SNX5: variants seen among roughly 807,000 people sequenced by gnomAD.
SNX5 encodes the protein sorting nexin-5.
In SNX5, 31 loss-of-function variants were observed where a neutral mutation model predicts 53.9. The observed-to-expected ratio is 0.58, with a 90% confidence interval of 0.43 to 0.78. The LOEUF is 0.78. SNX5 is among the 30% of genes least tolerant of loss of function. The pLI is 0.00. For missense variants in SNX5, 471 were observed against 478.8 expected (o/e 0.98, Z 0.15); for synonymous variants, 168 against 171.1 (o/e 0.98, Z 0.14).
At chr20:17,949,460 C>T (rs1214079862) in intron 8 of SNX5, among the ~76,000 whole-genome samples, 1 of 152,144 alleles carries the variant, frequency 6.6e-6, no homozygotes, top group African/African-American at 2.4e-5. Flanking sequence ...CATGGTTCTG[C>T]CATTAGCCTT....
intron 10 of SNX5, 109 bp from the exon 11 acceptor site, chr20:17,947,754 C>T (rs2039507289): frequency 1.2e-6 from 1 of 835,880 alleles, no homozygotes; most frequent in Admixed American, 3.4e-5. Context: ...TCTACCTCTA[C>T]ACCTTCCCTC....
At chr20:17,943,947 T>C (rs2145020) in intron 11 of SNX5, 40,030 of 152,240 alleles carry the variant, frequency 0.26, 5,752 homozygotes, top group East Asian at 0.44. Context: ...ACAAAATCAA[T>C]TGAGAATTAT....
At chr20:17,949,241 C>T in intron 8 of SNX5, 138 bp from the exon 9 acceptor site, 1 of 682,678 alleles carries the variant, frequency 1.5e-6, no homozygotes, top group South Asian at 1.9e-5. Flanking sequence ...AAGTAGTGCT[C>T]TCACTTCAAC....
chr20:17,952,832 C>G lies in SNX5; in HGVS notation c.390-122G>C. The G allele has an allele frequency of 7.1e-6, 8 of 1,122,558 alleles. No individual in the cohort carries two copies. The South Asian group carries it at 1.5e-4, about 21-fold the overall frequency. The allele number at this position is 1,122,558 out of a possible 1,614,324, so 69.5% of individuals were successfully genotyped here. ...CATAAAACACTGCAACTGGACCAAA[C>G]AGTATTTCAGTATAAACTGGTGTCT... On this transcript the variant is annotated intron_variant, in intron 4 of 12. Transcript: ENST00000377759.
In SNX5 at chr20:17,950,290, CT is replaced by C. The variant is rs774286425; in HGVS notation, c.715del (p.Asn239MetfsTer18). 6.2e-7 allele frequency: 1 copy of C among 1,611,928 alleles called. No homozygotes were observed. The highest frequency in any genetic ancestry group is 8.5e-7 in the Non-Finnish European group (1 of 1,178,052). On this transcript the variant is annotated frameshift_variant and splice_region_variant, in exon 7 of 13. Transcript: ENST00000377759. LOFTEE classifies it high-confidence loss of function. ...TCTGACTAGCGGTAAATGATATTTACTTTTATGAGATCTGGTCATTTTGTCA... is the reference window on the plus strand; with the variant it reads ...TCTGACTAGCGGTAAATGATATTTACTTTATGAGATCTGGTCATTTTGTCA... Reference protein sequence around the residue: ...KADKMTRSHKNVADDYIHTAA... With the variant: ...KADKMTRSHKXVADDYIHTAA...
intron 3 of SNX5, among the ~76,000 whole-genome samples, chr20:17,955,157 T>C (rs2035331207): frequency 2.6e-5 from 4 of 152,192 alleles, no homozygotes; most frequent in Admixed American, 2.6e-4. Context: ...CCCTTTACAA[T>C]GTAAATAATG....
At chr20:17,947,367 G>GTT in intron 11 of SNX5, 119 bp downstream of exon 11, 1 of 1,043,100 alleles carries the variant, frequency 9.6e-7, no homozygotes, top group Non-Finnish European at 1.4e-6. Flanking sequence ...AAGGCAGAGG[G>GTT]GTGAAGTGCT....
chr20:17,951,882 A>G (rs2039574184), intron 5 of SNX5, among the ~76,000 whole-genome samples: 1 of 152,236 alleles, frequency 6.6e-6, no homozygotes, highest in Admixed American at 6.5e-5. Flanking sequence ...TTCTATCCAT[A>G]TTAAGTAGCA....
intron 2 of SNX5, among the ~76,000 whole-genome samples, chr20:17,956,354 A>G (rs1307175203): frequency 6.6e-6 from 1 of 152,222 alleles, no homozygotes; most frequent in Non-Finnish European, 1.5e-5. Context: ...ACCACATGGG[A>G]AAGGTCTTTC....
At chr20:17,966,071 T>C (rs562848463) in intron 1 of SNX5, among the ~76,000 whole-genome samples, 66 of 152,154 alleles carry the variant, frequency 4.3e-4, no homozygotes, top group Non-Finnish European at 6.9e-4. Context: ...AGAGGACAGA[T>C]ATCATTCACC....
Position 17,947,467 on chromosome 20 carries a change from G to A in SNX5, c.1078+19C>T. 5.0e-6 allele frequency: 8 copies of A among 1,606,604 alleles called. No individual in the cohort carries two copies. Among genetic ancestry groups the A allele is most frequent in the Non-Finnish European group, 5.9e-6 (7 of 1,177,158 alleles). On this transcript the variant is annotated intron_variant, in intron 11 of 12. Coordinates refer to ENST00000377759, the MANE Select transcript of SNX5 (RefSeq NM_014426.4). ...TTATTTTCAAATTACAGTACAGAAA[G>A]AAGAATGTCCTGCTCAACCTTCTTT...
chr20:17,968,555 G>C lies in SNX5; in HGVS notation c.-130C>G, dbSNP rs1600368358. The C allele has an allele frequency of 7.5e-6, 6 of 802,098 alleles. No individual in the cohort carries two copies. The East Asian group carries it at 1.7e-4, about 23-fold the overall frequency. The allele number at this position is 802,098 out of a possible 1,614,324, so 49.7% of individuals were successfully genotyped here. A position where few individuals can be genotyped will look rare whatever the true frequency, so the allele number is the denominator to read the frequency against. On this transcript the variant is annotated 5_prime_UTR_variant, in exon 1 of 13. Coordinates refer to ENST00000377759, the MANE Select transcript of SNX5 (RefSeq NM_014426.4). ...GCCTCCGCCGGCCTCCCTGCCCGAC[G>C]GCGGCAGGAGGCCTCCGGACTCCGC...
At chr20:17,956,858 ATC>A (rs2035369840) in intron 2 of SNX5, 73 bp downstream of exon 2, 1 of 805,454 alleles carries the variant, frequency 1.2e-6, no homozygotes, top group Admixed American at 1.7e-5. Flanking sequence ...AGCTCAGGGA[ATC>A]TCTTCTCACA....
In SNX5 at chr20:17,951,945, C is replaced by T. The variant is rs189481095; in HGVS notation, c.514-350G>A. 5.4e-4 allele frequency among the ~76,000 whole-genome samples: 82 copies of T among 152,294 alleles called. No homozygotes were observed. In the East Asian group the frequency reaches 0.014, roughly 25 times the overall value. On this transcript the variant is annotated intron_variant, in intron 5 of 12. Transcript: ENST00000377759. ...TAGCATAAAAGTCATAATTCGCGGCCGGGCGCAGTGGCTCACGCCTGTAAT... is the reference window on the plus strand; with the variant it reads ...TAGCATAAAAGTCATAATTCGCGGCTGGGCGCAGTGGCTCACGCCTGTAAT...
intron 1 of SNX5, chr20:17,961,379 G>T: frequency 1.0e-6 from 1 of 985,376 alleles, no homozygotes; most frequent in Non-Finnish European, 1.2e-6. Context: ...CAGGAGAACA[G>T]AAAAAATACA....
At position 17,943,168 on chromosome 20, in the gene SNX5, A is replaced by T; in HGVS notation, c.1106T>A (p.Val369Glu). The change falls in exon 12 of 13, where the codon GTG becomes GAG. Residue 369 changes from valine (V) to glutamate (E), a missense_variant. By Grantham distance (121) the Val-to-Glu change is moderately radical. Transcript: ENST00000377759. ...EELINFKRKR[V>E]AAFRKNLIEM... is the part of the protein sequence containing the mutation. ...AATTAGATTCTTTCTAAATGCTGCC[A>T]CTCTCTTCCGTTTGAAATTTATCAG... The T allele has an allele frequency of 1.9e-6, 3 of 1,609,984 alleles. No homozygotes were observed. Among genetic ancestry groups the T allele is most frequent in the Non-Finnish European group, 2.6e-6 (3 of 1,176,342 alleles).
chr20:17,956,680 AAAAAAAAAAAAAAAAAAAAAAAAAC>A (rs2035362688), intron 2 of SNX5, among the ~76,000 whole-genome samples: 1 of 37,036 alleles, frequency 2.7e-5, no homozygotes, highest in Admixed American at 2.4e-4. Context: ...CTCCAAAAAA[AAAAAAAAAAAAAAAAAAAAAAAAAC>A]AAAAAAACAA....
At chr20:17,948,471 C>T (rs77336129) in intron 10 of SNX5, among the ~76,000 whole-genome samples, 14,599 of 152,274 alleles carry the variant, frequency 0.096, 748 homozygotes, top group Non-Finnish European at 0.12. Flanking sequence ...TAATACATTT[C>T]ACATAAAATT....
intron 1 of SNX5, chr20:17,968,043 G>C (rs2035585973): frequency 5.0e-6 from 2 of 398,528 alleles, no homozygotes; most frequent in Non-Finnish European, 8.8e-6. Context: ...TTCACCTACT[G>C]GTCACCACGA....
Sources: gnomAD v4.1 joint callset for allele counts (sites outside exome capture counted in the v4.1 genomes callset) on GRCh38, gnomAD v4.1.1 for gene constraint, MANE v1.5 for transcripts, NCBI Gene and HGNC (gene_info 2026-07-23, HGNC 2026-07-21) for gene names.